Variants in CCDC14 observed in about 807,000 individuals in gnomAD.
The protein encoded by CCDC14 is coiled-coil domain-containing protein 14.
In CCDC14, 71 loss-of-function variants were observed where a neutral mutation model predicts 81.4. That is an observed-to-expected ratio of 0.87 (90% CI 0.72 to 1.06). The LOEUF (loss-of-function observed/expected upper bound fraction) is 1.06. Among genes scored for constraint, CCDC14 ranks in the 50% least tolerant of loss-of-function variants. The pLI is 0.00. For synonymous variants in CCDC14, 332 were observed against 364.8 expected (o/e 0.91, Z 1.03); for missense variants, 1,046 against 1,047.3 (o/e 1.00, Z 0.02).
At chr3:123,920,352 A>C (rs1021306707) in intron 12 of CCDC14, among the ~76,000 whole-genome samples, 3 of 152,244 alleles carry the variant, frequency 2.0e-5, no homozygotes, top group Non-Finnish European at 4.4e-5. Flanking sequence ...ATGGCTGAAA[A>C]TTCTCCAAAT....
chr3:123,928,587 T>C (rs987115301), intron 12 of CCDC14, among the ~76,000 whole-genome samples: 1 of 152,182 alleles, frequency 6.6e-6, no homozygotes, highest in African/African-American at 2.4e-5. Context: ...CACTTGTCAA[T>C]GTGGATATTT....
chr3:123,892,971 A>AT (rs2034011492), downstream of CCDC14, among the ~76,000 whole-genome samples: 2 of 151,796 alleles, frequency 1.3e-5, no homozygotes, highest in Admixed American at 6.6e-5. Flanking sequence ...CACCTAGCTA[A>AT]TTTTTTGTAT....
chr3:123,931,255 G>T, intron 11 of CCDC14, 21 bp from the exon 12 acceptor site: 1 of 1,591,414 alleles, frequency 6.3e-7, no homozygotes, highest in South Asian at 1.2e-5. Context: ...AAAAGTTTCA[G>T]TTTCCTTATT....
At chr3:123,888,782 C>A in the CCDC14 span, among the ~76,000 whole-genome samples, 5 of 152,112 alleles carry the variant, frequency 3.3e-5, no homozygotes, top group Admixed American at 1.3e-4. Flanking sequence ...AGGGGGAAAT[C>A]CACCCCCATG....
intron 12 of CCDC14, among the ~76,000 whole-genome samples, chr3:123,920,765 A>G (rs1048951596): frequency 7.2e-5 from 11 of 152,218 alleles, no homozygotes; most frequent in Admixed American, 2.0e-4. Context: ...ACTCAATGGT[A>G]TAACACATAA....
rs556865424 is a variant in CCDC14, at chr3:123,905,920, A to G, written c.668-8307T>C. 3.0e-4 allele frequency among the ~76,000 whole-genome samples: 46 copies of G among 152,320 alleles called. No individual in the cohort carries two copies. In the East Asian group the frequency reaches 7.9e-3, roughly 26 times the overall value. ...AGGGAGAGTATTGGAAATATGAAGCAGGAACAAGCAATTATAAAAAAATAC... is the reference window on the plus strand; with the variant it reads ...AGGGAGAGTATTGGAAATATGAAGCGGGAACAAGCAATTATAAAAAAATAC... On this transcript the variant is annotated intron_variant, in intron 5 of 5. Coordinates refer to the CCDC14 transcript ENST00000479903.
At chr3:123,945,080 G>T in intron 8 of CCDC14, 90 bp from the exon 9 acceptor site, 1 of 692,606 alleles carries the variant, frequency 1.4e-6, no homozygotes, top group Non-Finnish European at 2.2e-6. Context: ...AATCTTTATA[G>T]ATATGTACAT....
downstream of CCDC14, among the ~76,000 whole-genome samples, chr3:123,911,628 C>G (rs1401708562): frequency 6.6e-6 from 1 of 152,136 alleles, no homozygotes; most frequent in Non-Finnish European, 1.5e-5. Flanking sequence ...TTGTGTCCCA[C>G]TGTATCATAA....
chr3:123,923,967 T>TA (rs35674177), intron 12 of CCDC14, among the ~76,000 whole-genome samples: 66,524 of 140,866 alleles, frequency 0.47, 17,442 homozygotes, highest in Non-Finnish European at 0.62. Context: ...ACAGAATCAT[T>TA]AAAAAAAAAA....
chr3:123,889,875 A>T, the CCDC14 span, among the ~76,000 whole-genome samples: 17 of 152,254 alleles, frequency 1.1e-4, no homozygotes, highest in African/African-American at 3.1e-4. Context: ...GCATTTCCAT[A>T]CATCCTCTGA....
intron 9 of CCDC14, among the ~76,000 whole-genome samples, chr3:123,938,691 G>A (rs995048092): frequency 1.1e-4 from 17 of 151,944 alleles, no homozygotes; most frequent in African/African-American, 4.1e-4. Context: ...TCCAGCATAT[G>A]CAGAGACAAA....
chr3:123,908,733 G>A (rs2034378127), downstream of CCDC14, among the ~76,000 whole-genome samples: 1 of 152,092 alleles, frequency 6.6e-6, no homozygotes, highest in Non-Finnish European at 1.5e-5. Context: ...AGACTGGTTG[G>A]GATATGGGGA....
intron 9 of CCDC14, among the ~76,000 whole-genome samples, chr3:123,939,743 G>A (rs1005067941): frequency 2.0e-5 from 3 of 151,670 alleles, no homozygotes; most frequent in Non-Finnish European, 4.4e-5. Context: ...GTGAGTGTTA[G>A]GCACAATTCC....
rs564307771 is a variant in CCDC14 at position 123,914,082 on chromosome 3, C to G, written c.*697G>C. 285 of 985,522 alleles carry G rather than the reference C, an allele frequency of 2.9e-4. No homozygotes were observed. Among genetic ancestry groups the G allele is most frequent in the South Asian group, 1.7e-3 (36 of 21,266 alleles). The allele number at this position is 985,522 out of a possible 1,614,324, so 61.0% of individuals were successfully genotyped here. On this transcript the variant is annotated 3_prime_UTR_variant, in exon 13 of 13. Transcript: ENST00000409697. ...TTATTTAAAAAAAACCCACAAATTT[C>G]CCCAACTATAGCTTATCTGTTAGCA...
chr3:123,943,409 C>G (rs1224259792), intron 9 of CCDC14, among the ~76,000 whole-genome samples: 1 of 152,040 alleles, frequency 6.6e-6, no homozygotes, highest in Non-Finnish European at 1.5e-5. Flanking sequence ...GCCATCCTTT[C>G]ACCTGCTCCT....
intron 12 of CCDC14, among the ~76,000 whole-genome samples, chr3:123,925,171 T>C (rs1186260858): frequency 6.6e-6 from 1 of 151,940 alleles, no homozygotes; most frequent in African/African-American, 2.4e-5. Context: ...ATTTTGTCAT[T>C]TGCAACATGA....
At chr3:123,887,171 A>G in the CCDC14 span, among the ~76,000 whole-genome samples, 1 of 152,168 alleles carries the variant, frequency 6.6e-6, no homozygotes, top group African/African-American at 2.4e-5. Context: ...AGCCATCTAT[A>G]CCATAATCTT....
chr3:123,918,485 C>A (rs1333649127), intron 12 of CCDC14, among the ~76,000 whole-genome samples: 2 of 152,180 alleles, frequency 1.3e-5, no homozygotes, highest in African/African-American at 4.8e-5. Context: ...AGTACACCTT[C>A]ATGAATATCC....
chr3:123,917,089 C>T (rs534802661), intron 12 of CCDC14, among the ~76,000 whole-genome samples: 5 of 151,714 alleles, frequency 3.3e-5, no homozygotes, highest in Non-Finnish European at 5.9e-5. Flanking sequence ...GTGATCCACC[C>T]GCCTCGGCCT....
Sources: allele counts gnomAD v4.1 joint callset (sites outside exome capture counted in the v4.1 genomes callset), GRCh38; gene constraint gnomAD v4.1.1; transcripts MANE v1.5; gene names NCBI Gene and HGNC (gene_info 2026-07-23, HGNC 2026-07-21).